USP32: variants seen among roughly 807,000 people sequenced by gnomAD.
USP32 encodes the protein ubiquitin specific peptidase 32.
A neutral mutation model predicts 204.8 loss-of-function variants in USP32; 59 were observed. The observed-to-expected ratio is 0.29, with a 90% CI of 0.23 to 0.36. USP32 has a LOEUF of 0.36. Among genes scored for constraint, USP32 ranks in the 10% least tolerant of loss-of-function variants. USP32 has a pLI of 1.00. For missense variants in USP32, 1,160 were observed against 1,946.4 expected (o/e 0.60, Z 7.60); for synonymous variants, 517 against 678.4 (o/e 0.76, Z 3.70).
intron 2 of USP32, among the ~76,000 whole-genome samples, chr17:60,310,136 C>T (rs2087820355): frequency 6.6e-6 from 1 of 152,140 alleles, no homozygotes. Context: ...ACACCATTTG[C>T]AGGAATGTAA....
chr17:60,275,284 C>A (rs970127438), intron 5 of USP32, among the ~76,000 whole-genome samples: 1 of 152,090 alleles, frequency 6.6e-6, no homozygotes, highest in Non-Finnish European at 1.5e-5. Context: ...TGGTGAAACG[C>A]CATCTCTACT....
At chr17:60,382,514 AGAGG>A (rs2089662189) in intron 1 of USP32, among the ~76,000 whole-genome samples, 1 of 152,096 alleles carries the variant, frequency 6.6e-6, no homozygotes, top group Non-Finnish European at 1.5e-5. Context: ...GACTAAGAAA[AGAGG>A]GAGGGAAGCA....
intron 11 of USP32, among the ~76,000 whole-genome samples, chr17:60,248,760 C>T (rs2086097749): frequency 6.6e-6 from 1 of 152,182 alleles, no homozygotes; most frequent in Admixed American, 6.5e-5. Context: ...AAAACATTTA[C>T]AATAGTTGTA....
At chr17:60,401,100 G>A (rs1338876867) in intron 1 of USP32, among the ~76,000 whole-genome samples, 5 of 151,972 alleles carry the variant, frequency 3.3e-5, no homozygotes, top group Non-Finnish European at 7.4e-5. Context: ...AGGTTGCAGT[G>A]AGCTGAGATC....
chr17:60,204,118 G>A (rs1034221643), intron 26 of USP32, among the ~76,000 whole-genome samples: 2 of 152,060 alleles, frequency 1.3e-5, no homozygotes, highest in African/African-American at 2.4e-5. Context: ...ATATTAGACT[G>A]TCAAGAGAGG....
intron 9 of USP32, among the ~76,000 whole-genome samples, chr17:60,256,189 T>C (rs964884084): frequency 1.3e-5 from 2 of 150,810 alleles, no homozygotes; most frequent in Admixed American, 6.6e-5. Flanking sequence ...AAAAAAATAA[T>C]AAAAATAAAG....
At chr17:60,302,866 T>C (rs1018239967) in intron 2 of USP32, among the ~76,000 whole-genome samples, 3 of 152,120 alleles carry the variant, frequency 2.0e-5, no homozygotes, top group African/African-American at 2.4e-5. Context: ...GAAGAAAAAC[T>C]ATGCATAGGA....
At chr17:60,381,866 C>T (rs1267709298) in intron 1 of USP32, among the ~76,000 whole-genome samples, 1 of 152,218 alleles carries the variant, frequency 6.6e-6, no homozygotes, top group African/African-American at 2.4e-5. Flanking sequence ...AGGCTCTCTC[C>T]TGTTCTCTCC....
At chr17:60,359,953 C>T (rs967634754) in intron 1 of USP32, among the ~76,000 whole-genome samples, 1 of 151,734 alleles carries the variant, frequency 6.6e-6, no homozygotes, top group Non-Finnish European at 1.5e-5. Context: ...CAGCAAGCTC[C>T]ACCTCCCAGG....
intron 23 of USP32, 70 bp from the exon 24 acceptor site, chr17:60,208,280 G>A: frequency 3.5e-6 from 5 of 1,439,882 alleles, no homozygotes; most frequent in South Asian, 3.4e-5. Context: ...GCTGTGTACA[G>A]ATATATCTGA....
chr17:60,220,981 CAG>C (rs201774601), intron 15 of USP32, among the ~76,000 whole-genome samples: 6,726 of 152,084 alleles, frequency 0.044, 520 homozygotes, highest in African/African-American at 0.15. Context: ...AAACTCTGTA[CAG>C]AGTCTTTTAA....
intron 28 of USP32, among the ~76,000 whole-genome samples, chr17:60,191,381 G>GAC (rs2084375785): frequency 8.4e-6 from 1 of 119,264 alleles, no homozygotes; most frequent in South Asian, 3.2e-4. Flanking sequence ...CAGCCTGGGT[G>GAC]ACAGAGTGAG....
At chr17:60,232,132 C>CAA (rs973084554) in intron 12 of USP32, among the ~76,000 whole-genome samples, 5 of 148,018 alleles carry the variant, frequency 3.4e-5, no homozygotes, top group African/African-American at 1.2e-4. Context: ...GCTCTAAGAT[C>CAA]AAATTATCTG....
chr17:60,345,429 C>A, intron 2 of USP32, 52 bp downstream of exon 2: 1 of 1,596,728 alleles, frequency 6.3e-7, no homozygotes, highest in South Asian at 1.1e-5. Context: ...GGAATTTAGG[C>A]TGGTGGAGGT....
chr17:60,240,272 G>C lies in USP32; in HGVS notation c.1137-4032C>G, dbSNP rs532713894. 5.3e-5 allele frequency among the ~76,000 whole-genome samples: 8 copies of C among 152,094 alleles called. No homozygotes were observed. In the South Asian group the frequency reaches 1.7e-3, roughly 32 times the overall value. Reference sequence around the variant, plus strand: ...CTAGAAATATTTCCCTCCACCTCAGGGTTTGCTTTCACTGACTGCTATAGT... The same window carrying C: ...CTAGAAATATTTCCCTCCACCTCAGCGTTTGCTTTCACTGACTGCTATAGT... On this transcript the variant is annotated intron_variant, in intron 11 of 33. Transcript: ENST00000300896.
At chr17:60,348,200 T>C (rs548710250) in intron 1 of USP32, among the ~76,000 whole-genome samples, 2 of 151,254 alleles carry the variant, frequency 1.3e-5, no homozygotes, top group South Asian at 4.2e-4. Context: ...CCTTGGAAAA[T>C]GCAATGGGGT....
chr17:60,386,066 TAAAGG>T (rs1182648488), intron 1 of USP32, among the ~76,000 whole-genome samples: 1 of 151,476 alleles, frequency 6.6e-6, no homozygotes, highest in African/African-American at 2.4e-5. Context: ...GAAAGAACAA[TAAAGG>T]AAACACTTGA....
At chr17:60,248,432 T>A (rs2086089665) in intron 11 of USP32, among the ~76,000 whole-genome samples, 1 of 152,210 alleles carries the variant, frequency 6.6e-6, no homozygotes, top group Admixed American at 6.5e-5. Context: ...TTTCAGACAT[T>A]ATCTTGTCAA....
At chr17:60,193,801 G>GAGTTCCC (rs971907388) in intron 27 of USP32, among the ~76,000 whole-genome samples, 1 of 152,148 alleles carries the variant, frequency 6.6e-6, no homozygotes, top group African/African-American at 2.4e-5. Flanking sequence ...TCTGGCATAG[G>GAGTTCCC]AGTTCCCATC....
Sources: allele counts gnomAD v4.1 joint callset (sites outside exome capture counted in the v4.1 genomes callset), GRCh38; gene constraint gnomAD v4.1.1; transcripts MANE v1.5; gene names NCBI Gene and HGNC (gene_info 2026-07-23, HGNC 2026-07-21).